ALDH2: variants seen among roughly 807,000 people sequenced by gnomAD.
ALDH2 encodes aldehyde dehydrogenase, mitochondrial.
A neutral mutation model predicts 59.6 loss-of-function variants in ALDH2; 44 were observed. That is an observed-to-expected ratio of 0.74 (90% CI 0.58 to 0.95). ALDH2 has a LOEUF of 0.95. Among genes scored for constraint, ALDH2 ranks in the 40% least tolerant of loss-of-function variants. ALDH2 has a pLI of 0.00. For missense variants in ALDH2, 570 were observed against 696.3 expected, an observed-to-expected ratio of 0.82 and a Z score of 2.04; for synonymous variants, 291 against 284.0, an observed-to-expected ratio of 1.02 and a Z score of -0.25.
chr12:111,784,392 C>G (rs1020918407), intron 3 of ALDH2, among the ~76,000 whole-genome samples: 1 of 152,230 alleles, frequency 6.6e-6, no homozygotes, highest in Non-Finnish European at 1.5e-5. Context: ...CACATGTGCT[C>G]CTGAGCCTGG....
intron 12 of ALDH2, among the ~76,000 whole-genome samples, chr12:111,807,393 G>T (rs542684310): frequency 1.3e-5 from 2 of 152,256 alleles, no homozygotes; most frequent in Admixed American, 6.5e-5. Context: ...CTTCCCAGTG[G>T]GTACACTTCA....
chr12:111,777,589 G>C (rs925134634), intron 1 of ALDH2, among the ~76,000 whole-genome samples: 11 of 152,150 alleles, frequency 7.2e-5, no homozygotes, highest in Admixed American at 6.6e-4. Context: ...GCTGCAAGCT[G>C]CCTGCCCGCC....
intron 1 of ALDH2, among the ~76,000 whole-genome samples, chr12:111,771,327 T>C (rs2068198380): frequency 6.6e-6 from 1 of 151,718 alleles, no homozygotes; most frequent in Non-Finnish European, 1.5e-5. Context: ...AGCCAAGGAG[T>C]TTGAGGCTTC....
chr12:111,792,772 A>G lies in ALDH2; in HGVS notation c.1073A>G (p.Gln358Arg). 1 of 1,550,130 alleles carries G rather than the reference A, an allele frequency of 6.5e-7. No homozygotes were observed. The highest frequency in any genetic ancestry group is 8.7e-7 in the Non-Finnish European group (1 of 1,147,906). Residue 358 changes from glutamine to arginine, a missense_variant, in exon 9 of 13, where the codon CAG becomes CGG. Transcript: ENST00000261733. ...AACCCCTTTGATAGCAAGACCGAGC[A>G]GGGGCCGCAGGTGAGCCAGGCAGTG... ...VGNPFDSKTEQGPQVDETQFK... is the reference protein window; with the variant it reads ...VGNPFDSKTERGPQVDETQFK...
At position 111,785,330 on chromosome 12, in the gene ALDH2, G is replaced by T. The variant is rs1566186033; in HGVS notation, c.424G>T (p.Val142Phe). The T allele has an allele frequency of 6.2e-7, 1 of 1,613,952 alleles. No individual in the cohort carries two copies. Among genetic ancestry groups the T allele is most frequent in the East Asian group, 2.2e-5 (1 of 44,880 alleles). The change falls in exon 4 of 13, where the codon GTC (valine) becomes TTC (phenylalanine). Residue 142 changes from valine (V) to phenylalanine (F), a missense_variant. By Grantham distance (50) the Val-to-Phe change is conservative. Transcript: ENST00000261733. ...CTCCTACCTGGTGGATTTGGACATG[G>T]TCCTCAAATGTCTCCGGTATGGGCT... Reference protein sequence around the residue: ...VISYLVDLDMVLKCLRYYAGW... With the variant: ...VISYLVDLDMFLKCLRYYAGW...
intron 4 of ALDH2, among the ~76,000 whole-genome samples, chr12:111,786,828 TG>T: frequency 1.3e-5 from 2 of 152,176 alleles, no homozygotes; most frequent in Admixed American, 1.3e-4. Context: ...ATTACAGGCA[TG>T]AGTTACTATG....
In ALDH2 at chr12:111,816,573, C is replaced by T. The variant is rs983910418; in HGVS notation, c.*6998C>T. ...CAGTGGAATGCTGAGTTGGTCACAA[C>T]CCATGGGCATTCAGCTCTCTACATT... is the stretch of plus-strand genomic sequence containing the variant. On this transcript the variant is annotated 3_prime_UTR_variant, in exon 13 of 13. Coordinates refer to ENST00000261733, the MANE Select transcript of ALDH2 (RefSeq NM_000690.4). The T allele has an allele frequency of 6.6e-6, 1 of 152,174 alleles. No individual in the cohort carries two copies. Among genetic ancestry groups the T allele is most frequent in the African/African-American group, 2.4e-5 (1 of 41,432 alleles). The allele number at this position is 152,174 out of a possible 1,614,324, so 9.4% of individuals were successfully genotyped here. A position where few individuals can be genotyped will look rare whatever the true frequency, so the allele number is the denominator to read the frequency against.
At chr12:111,783,920 G>A (rs992983553) in intron 3 of ALDH2, among the ~76,000 whole-genome samples, 6 of 152,036 alleles carry the variant, frequency 3.9e-5, no homozygotes, top group African/African-American at 7.2e-5. Flanking sequence ...CCTCTCCCTC[G>A]GCCCCTCCAT....
intron 9 of ALDH2, among the ~76,000 whole-genome samples, chr12:111,793,004 T>A (rs1023485214): frequency 6.6e-6 from 1 of 152,114 alleles, no homozygotes; most frequent in Non-Finnish European, 1.5e-5. Context: ...AAATTAATCC[T>A]GGGAAGCACT....
rs372735393 is a variant in ALDH2 at position 111,809,531 on chromosome 12, T to C, written c.1522-12T>C. The C allele has an allele frequency of 1.2e-6, 2 of 1,613,966 alleles. No homozygotes were observed. The highest frequency in any genetic ancestry group is 1.7e-5 in the Admixed American group (1 of 59,996). On this transcript the variant is annotated splice_polypyrimidine_tract_variant and intron_variant, in intron 12 of 12. Coordinates refer to ENST00000261733, the MANE Select transcript of ALDH2 (RefSeq NM_000690.4). Reference sequence around the variant, plus strand: ...GCAGGAAGATCTAACGGCTTCTCTGTCCCCCTTACAGGTCACAGTCAAAGT... The same window carrying C: ...GCAGGAAGATCTAACGGCTTCTCTGCCCCCCTTACAGGTCACAGTCAAAGT...
chr12:111,797,273 T>C (rs1367819872), intron 9 of ALDH2, among the ~76,000 whole-genome samples: 1 of 152,204 alleles, frequency 6.6e-6, no homozygotes, highest in Non-Finnish European at 1.5e-5. Context: ...GGGCCATCTT[T>C]CTGTGTCAGT....
Position 111,810,165 on chromosome 12 carries a change from A to G in ALDH2, c.*590A>G, listed in dbSNP as rs1344439233. On this transcript the variant is annotated 3_prime_UTR_variant, in exon 13 of 13. Transcript: ENST00000261733. ...CTAAAAATACACAAATTAGGCAGTC[A>G]TGGTGGCTGGCACCTGTAATCCCAG... 1 of 155,460 alleles carries G rather than the reference A, an allele frequency of 6.4e-6. No homozygotes were observed. The highest frequency in any genetic ancestry group is 1.4e-5 in the Non-Finnish European group (1 of 70,094). The allele number at this position is 155,460 out of a possible 1,614,324, so 9.6% of individuals were successfully genotyped here.
intron 1 of ALDH2, among the ~76,000 whole-genome samples, chr12:111,777,465 C>T (rs1170378079): frequency 6.6e-6 from 1 of 152,188 alleles, no homozygotes; most frequent in African/African-American, 2.4e-5. Flanking sequence ...TAGTGCTTCT[C>T]TGTACTCTCC....
chr12:111,788,574 T>C (rs1411375554), intron 4 of ALDH2, among the ~76,000 whole-genome samples: 1 of 152,230 alleles, frequency 6.6e-6, no homozygotes, highest in Non-Finnish European at 1.5e-5. Flanking sequence ...AAATAACTTC[T>C]GGGGCTTGCA....
chr12:111,770,398 T>C (rs913000175), intron 1 of ALDH2, among the ~76,000 whole-genome samples: 10 of 152,152 alleles, frequency 6.6e-5, no homozygotes, highest in African/African-American at 2.4e-4. Context: ...GTGAGCTAGA[T>C]TGTGGTAAAG....
chr12:111,781,124 C>A (rs149729415), intron 1 of ALDH2, among the ~76,000 whole-genome samples: 14 of 152,062 alleles, frequency 9.2e-5, no homozygotes, highest in African/African-American at 3.1e-4. Context: ...AGAAAAAAAA[C>A]AATAAAAAGA....
intron 7 of ALDH2, 138 bp downstream of exon 7, chr12:111,791,557 A>T: frequency 3.9e-5 from 26 of 664,964 alleles, no homozygotes; most frequent in Middle Eastern, 4.2e-4. Context: ...AGGTACCAGG[A>T]GGGGTGGGGC....
intron 4 of ALDH2, among the ~76,000 whole-genome samples, chr12:111,788,034 G>A (rs1366299297): frequency 6.7e-6 from 1 of 149,284 alleles, no homozygotes; most frequent in Non-Finnish European, 1.5e-5. Flanking sequence ...GCGAGACTCT[G>A]TCTCAGAAAA....
intron 3 of ALDH2, among the ~76,000 whole-genome samples, chr12:111,783,716 G>A (rs2068290200): frequency 6.6e-6 from 1 of 152,102 alleles, no homozygotes; most frequent in African/African-American, 2.4e-5. Context: ...CACCATGTTG[G>A]CCAGGCTGGT....
Sources: gnomAD v4.1 joint callset for allele counts (sites outside exome capture counted in the v4.1 genomes callset) on GRCh38, gnomAD v4.1.1 for gene constraint, MANE v1.5 for transcripts, NCBI Gene and HGNC (gene_info 2026-07-23, HGNC 2026-07-21) for gene names.